NT5DC1: variants seen among roughly 807,000 people sequenced by gnomAD.
NT5DC1 encodes the protein 5'-nucleotidase domain containing 1, also known as 5'-nucleotidase domain-containing protein 1.
Under a neutral mutation model 59.4 loss-of-function variants are expected in NT5DC1, and 42 were observed. That is an observed-to-expected ratio of 0.71 (90% confidence interval 0.55 to 0.92). The LOEUF (loss-of-function observed/expected upper bound fraction) is 0.92, where lower values mean the gene tolerates loss of function less well. Among genes scored for constraint, NT5DC1 ranks in the 40% least tolerant of loss-of-function variants. The pLI is 0.00. For synonymous variants in NT5DC1, 172 were observed against 188.1 expected (o/e 0.91, Z 0.70); for missense variants, 501 against 537.1 (o/e 0.93, Z 0.66).
intron 10 of NT5DC1, 50 bp from the exon 11 acceptor site, chr6:116,238,905 A>G: frequency 8.5e-7 from 1 of 1,182,224 alleles, no homozygotes; most frequent in South Asian, 1.3e-5. Context: ...AAATTATGAG[A>G]TTGAACATTA....
intron 6 of NT5DC1, among the ~76,000 whole-genome samples, chr6:116,178,270 GC>G (rs1204257362): frequency 6.6e-6 from 1 of 152,026 alleles, no homozygotes; most frequent in Non-Finnish European, 1.5e-5. Flanking sequence ...TACTAACCAG[GC>G]CCGACCCTGC....
rs1779147586 is a variant in NT5DC1, at chr6:116,122,024, C to A, written c.529+4079C>A. On this transcript the variant is annotated intron_variant, in intron 6 of 11. Transcript: ENST00000319550. Reference sequence around the variant, plus strand: ...GATGGTTAGTGACATTAAAGAGAATCATTGCCTTTCAAACTATGAATTGGG... The same window carrying A: ...GATGGTTAGTGACATTAAAGAGAATAATTGCCTTTCAAACTATGAATTGGG... The A allele has an allele frequency of 2.9e-6, 4 of 1,380,950 alleles. No homozygotes were observed. The East Asian group carries it at 9.1e-5, about 32-fold the overall frequency. The allele number at this position is 1,380,950 out of a possible 1,614,324, so 85.5% of individuals were successfully genotyped here.
intron 6 of NT5DC1, among the ~76,000 whole-genome samples, chr6:116,126,636 A>G (rs1376548770): frequency 4.6e-5 from 7 of 152,178 alleles, no homozygotes; most frequent in African/African-American, 9.7e-5. Context: ...ATTCTTAATT[A>G]CTTTTAGGCT....
At chr6:116,112,435 T>A (rs1778897082) in intron 4 of NT5DC1, among the ~76,000 whole-genome samples, 1 of 152,282 alleles carries the variant, frequency 6.6e-6, no homozygotes, top group Non-Finnish European at 1.5e-5. Flanking sequence ...GGTTAGAAAA[T>A]TTAAATATTA....
chr6:116,156,592 G>A (rs1398984703), intron 6 of NT5DC1, among the ~76,000 whole-genome samples: 1 of 152,212 alleles, frequency 6.6e-6, no homozygotes, highest in African/African-American at 2.4e-5. Context: ...GCATAAGGAA[G>A]TCTTCGTGGA....
intron 6 of NT5DC1, among the ~76,000 whole-genome samples, chr6:116,213,395 A>C (rs1175714838): frequency 6.6e-6 from 1 of 152,116 alleles, no homozygotes; most frequent in Non-Finnish European, 1.5e-5. Flanking sequence ...GATTGGTTGC[A>C]CATCTTACAT....
intron 6 of NT5DC1, among the ~76,000 whole-genome samples, chr6:116,205,996 G>C (rs930655705): frequency 1.3e-5 from 2 of 151,972 alleles, no homozygotes; most frequent in African/African-American, 4.8e-5. Flanking sequence ...CTTTGAGAAT[G>C]ATCTAATAGA....
chr6:116,230,496 G>C (rs986915780), intron 8 of NT5DC1, among the ~76,000 whole-genome samples: 2 of 152,176 alleles, frequency 1.3e-5, no homozygotes, highest in African/African-American at 4.8e-5. Context: ...GAATCACCTA[G>C]AGATCTTGTT....
intron 6 of NT5DC1, among the ~76,000 whole-genome samples, chr6:116,197,649 G>A (rs1456793955): frequency 6.6e-6 from 1 of 151,998 alleles, no homozygotes; most frequent in Admixed American, 6.6e-5. Flanking sequence ...TCTACTTTTT[G>A]ATTGTTTAGC....
chr6:116,127,787 T>C (rs1444010944), intron 6 of NT5DC1, among the ~76,000 whole-genome samples: 1 of 152,184 alleles, frequency 6.6e-6, no homozygotes, highest in African/African-American at 2.4e-5. Flanking sequence ...TTGAGACTGA[T>C]ACCCTGTTAG....
chr6:116,192,054 G>A (rs1333685480), intron 6 of NT5DC1, among the ~76,000 whole-genome samples: 3 of 151,946 alleles, frequency 2.0e-5, no homozygotes, highest in African/African-American at 7.2e-5. Flanking sequence ...CCATTACTTA[G>A]GTGAAACTTG....
chr6:116,108,854 C>G (rs1778813154), intron 3 of NT5DC1, among the ~76,000 whole-genome samples: 1 of 152,182 alleles, frequency 6.6e-6, no homozygotes, highest in East Asian at 1.9e-4. Context: ...ACCACCCTCT[C>G]TTTCTTCATT....
At chr6:116,124,880 A>G (rs1270777798) in intron 6 of NT5DC1, among the ~76,000 whole-genome samples, 1 of 152,200 alleles carries the variant, frequency 6.6e-6, no homozygotes, top group Non-Finnish European at 1.5e-5. Context: ...TTTTTTTGAT[A>G]AGACTCGGTT....
At position 116,118,102 on chromosome 6, in the gene NT5DC1, A is replaced by G. The variant is rs183989497; in HGVS notation, c.529+157A>G. 21 of 664,772 alleles carry G rather than the reference A, an allele frequency of 3.2e-5. No homozygotes were observed. The African/African-American group carries it at 3.5e-4, about 11-fold the overall frequency. 41.2% of individuals were successfully genotyped at this position (664,772 alleles called of 1,614,324 possible). A position where few individuals can be genotyped will look rare whatever the true frequency, so the allele number is the denominator to read the frequency against. On this transcript the variant is annotated intron_variant, in intron 6 of 11. Transcript: ENST00000319550. The stretch of plus-strand genomic sequence containing the variant: ...AGTTGGTTCTGACTACATTTTCAGA[A>G]GTCCTTTTATTTGTGCTTCTTTCAT...
intron 6 of NT5DC1, among the ~76,000 whole-genome samples, chr6:116,131,996 G>T (rs1437601826): frequency 6.6e-6 from 1 of 152,126 alleles, no homozygotes; most frequent in Non-Finnish European, 1.5e-5. Context: ...TTCTGCAAAG[G>T]ACATTATCTT....
chr6:116,120,986 C>G, intron 6 of NT5DC1: 1 of 1,614,002 alleles, frequency 6.2e-7, no homozygotes, highest in African/African-American at 1.3e-5. Context: ...ACCCCTTTCA[C>G]CCTTAGCCCC....
At chr6:116,141,885 A>AACACACACACACACACACACACACAC (rs3051942) in intron 6 of NT5DC1, among the ~76,000 whole-genome samples, 21 of 140,404 alleles carry the variant, frequency 1.5e-4, no homozygotes, top group African/African-American at 5.3e-4. Context: ...CCAAAAAGAA[A>AACACACACACACACACACACACACAC]ACACACACAC....
At chr6:116,134,929 G>A (rs1473461952) in intron 6 of NT5DC1, among the ~76,000 whole-genome samples, 1 of 152,126 alleles carries the variant, frequency 6.6e-6, no homozygotes, top group African/African-American at 2.4e-5. Flanking sequence ...AGAATCTTGG[G>A]AGTTTAGAGA....
At chr6:116,190,918 G>C (rs1428704316) in intron 6 of NT5DC1, among the ~76,000 whole-genome samples, 1 of 151,898 alleles carries the variant, frequency 6.6e-6, no homozygotes, top group East Asian at 1.9e-4. Context: ...CTGTTTATAA[G>C]GATGAATACA....
Sources: gnomAD v4.1 joint callset for allele counts (sites outside exome capture counted in the v4.1 genomes callset) on GRCh38, gnomAD v4.1.1 for gene constraint, MANE v1.5 for transcripts, NCBI Gene and HGNC (gene_info 2026-07-23, HGNC 2026-07-21) for gene names.